DPP10: variants seen among roughly 807,000 people sequenced by gnomAD.
The protein encoded by DPP10 is dipeptidyl peptidase like 10.
DPP10 carries 33 observed loss-of-function variants against 120.9 expected under a neutral mutation model. The observed-to-expected ratio is 0.27, with a 90% CI of 0.21 to 0.37. The LOEUF (loss-of-function observed/expected upper bound fraction) is 0.37, where lower values mean the gene tolerates loss of function less well. Among genes scored for constraint, DPP10 ranks in the 10% least tolerant of loss-of-function variants. The pLI is 1.00. For missense variants in DPP10, 816 were observed against 942.8 expected, an observed-to-expected ratio of 0.87 and a Z score of 1.76; for synonymous variants, 337 against 326.1, an observed-to-expected ratio of 1.03 and a Z score of -0.36.
At chr2:115,399,090 T>C (rs946908111) in intron 3 of DPP10, among the ~76,000 whole-genome samples, 1 of 152,174 alleles carries the variant, frequency 6.6e-6, no homozygotes, top group Non-Finnish European at 1.5e-5. Context: ...TCGGTGACAT[T>C]TTGTTGCTGT....
At chr2:114,531,467 TTA>T (rs1180840397) in intron 1 of DPP10, among the ~76,000 whole-genome samples, 10 of 150,270 alleles carry the variant, frequency 6.7e-5, no homozygotes, top group African/African-American at 1.2e-4. Context: ...AATAAATCTT[TTA>T]TATATATATG....
intron 1 of DPP10, among the ~76,000 whole-genome samples, chr2:114,693,475 A>G (rs1167613116): frequency 6.6e-6 from 1 of 151,848 alleles, no homozygotes; most frequent in Admixed American, 6.6e-5. Flanking sequence ...TTTCCTTTGT[A>G]GGTGATCTGG....
intron 1 of DPP10, among the ~76,000 whole-genome samples, chr2:114,727,006 C>T (rs1452050715): frequency 1.3e-5 from 2 of 152,144 alleles, no homozygotes; most frequent in African/African-American, 2.4e-5. Context: ...CTAGGTTTTC[C>T]ACCTGGAAAA....
At chr2:114,759,129 A>G (rs144180524) in intron 1 of DPP10, among the ~76,000 whole-genome samples, 208 of 152,346 alleles carry the variant, frequency 1.4e-3, no homozygotes, top group African/African-American at 4.9e-3. Context: ...TCAAACTTTA[A>G]TTACAGTAAC....
In DPP10 at chr2:115,109,142, T is replaced by A. The variant is rs574241810; in HGVS notation, c.61-200097T>A. Among the ~76,000 whole-genome samples the A allele has an allele frequency of 2.0e-5, 3 of 152,340 alleles. No individual in the cohort carries two copies. The South Asian group carries it at 6.2e-4, about 32-fold the overall frequency. On this transcript the variant is annotated intron_variant, in intron 1 of 25. Coordinates refer to ENST00000410059, the MANE Select transcript of DPP10 (RefSeq NM_020868.6). ...TATTCATAATCTTACTCAAGTCATC[T>A]GGGGAAGGATTGCCCCTTGTAGTAA...
At chr2:114,814,331 G>A (rs1435273555) in intron 1 of DPP10, among the ~76,000 whole-genome samples, 3 of 151,864 alleles carry the variant, frequency 2.0e-5, no homozygotes, top group Non-Finnish European at 4.4e-5. Flanking sequence ...AATTGAGAAC[G>A]TGAGTGAAGA....
chr2:115,460,955 C>G (rs12185731), intron 3 of DPP10, among the ~76,000 whole-genome samples: 1 of 152,058 alleles, frequency 6.6e-6, no homozygotes, highest in East Asian at 1.9e-4. Flanking sequence ...GACAATTTCT[C>G]GTTATATTTC....
chr2:115,016,548 A>G (rs1397597869), intron 1 of DPP10, among the ~76,000 whole-genome samples: 1 of 152,186 alleles, frequency 6.6e-6, no homozygotes, highest in Non-Finnish European at 1.5e-5. Flanking sequence ...AAAAGAAACT[A>G]TCATCAGAGT....
intron 7 of DPP10, among the ~76,000 whole-genome samples, chr2:115,691,238 AT>A (rs991411393): frequency 6.6e-6 from 1 of 151,762 alleles, no homozygotes; most frequent in East Asian, 1.9e-4. Flanking sequence ...CTACAAACAT[AT>A]TTTTTTATAA....
At chr2:114,683,085 A>G (rs1699134171) in intron 1 of DPP10, among the ~76,000 whole-genome samples, 1 of 151,974 alleles carries the variant, frequency 6.6e-6, no homozygotes, top group South Asian at 2.1e-4. Context: ...ACTGGTGATG[A>G]TAAGAACAAT....
At chr2:115,408,262 G>A (rs1467031540) in intron 3 of DPP10, among the ~76,000 whole-genome samples, 3 of 152,032 alleles carry the variant, frequency 2.0e-5, no homozygotes, top group South Asian at 4.1e-4. Context: ...AGGCTCCTCC[G>A]CCCTGCAAAT....
At chr2:114,933,843 C>G (rs544507671) in intron 1 of DPP10, among the ~76,000 whole-genome samples, 5 of 152,218 alleles carry the variant, frequency 3.3e-5, no homozygotes, top group Admixed American at 2.6e-4. Flanking sequence ...GAATTTTCAC[C>G]GCAATAATTC....
intron 5 of DPP10, among the ~76,000 whole-genome samples, chr2:115,553,674 A>T (rs1363116366): frequency 1.3e-5 from 2 of 152,010 alleles, no homozygotes; most frequent in Non-Finnish European, 2.9e-5. Flanking sequence ...ATGGCATATT[A>T]TACTTTATCT....
At chr2:115,133,115 ATGTGTG>A (rs1242932823) in intron 1 of DPP10, among the ~76,000 whole-genome samples, 4,431 of 72,966 alleles carry the variant, frequency 0.061, 136 homozygotes, top group Non-Finnish European at 0.069. Flanking sequence ...ATGTATATGT[ATGTGTG>A]TGTGTGTGTG....
chr2:115,324,961 C>T lies in DPP10; in HGVS notation c.175+15608C>T, dbSNP rs558465806. On this transcript the variant is annotated intron_variant, in intron 2 of 25. Transcript: ENST00000410059. ...ACAGGGGATCAATTGGTTGATGTCA[C>T]GGTTAGAACACGCACAACATTATGC... Among the ~76,000 whole-genome samples, 73 of 152,150 alleles carry T rather than the reference C, an allele frequency of 4.8e-4. No individual in the cohort carries two copies. In the South Asian group the frequency reaches 0.012, roughly 25 times the overall value.
At chr2:114,505,051 C>CA (rs3061538) in intron 1 of DPP10, among the ~76,000 whole-genome samples, 14,215 of 45,016 alleles carry the variant, frequency 0.32, 2,979 homozygotes, top group East Asian at 0.45. Flanking sequence ...GACTCTGTCT[C>CA]AAAAAAAAAA....
chr2:115,640,462 AGAAAG>A (rs2086689655), intron 5 of DPP10, among the ~76,000 whole-genome samples: 1 of 150,146 alleles, frequency 6.7e-6, no homozygotes, highest in Non-Finnish European at 1.5e-5. Context: ...AAAAAAAAGA[AGAAAG>A]GAAAAAAAAA....
intron 13 of DPP10, 101 bp from the exon 14 acceptor site, chr2:115,777,107 A>G (rs1682193334): frequency 1.0e-6 from 1 of 983,242 alleles, no homozygotes; most frequent in South Asian, 1.5e-5. Context: ...TTAACTGAGA[A>G]TTAGAGAATT....
At chr2:115,303,672 C>T (rs2061241422) in intron 1 of DPP10, among the ~76,000 whole-genome samples, 1 of 151,076 alleles carries the variant, frequency 6.6e-6, no homozygotes, top group African/African-American at 2.4e-5. Flanking sequence ...TTTTTTTAAC[C>T]TTGTATTGTA....
Sources: gnomAD v4.1 joint callset for allele counts (sites outside exome capture counted in the v4.1 genomes callset) on GRCh38, gnomAD v4.1.1 for gene constraint, MANE v1.5 for transcripts, NCBI Gene and HGNC (gene_info 2026-07-23, HGNC 2026-07-21) for gene names.